Variants in FPR3 observed in about 807,000 individuals in gnomAD.
FPR3 encodes the protein N-formyl peptide receptor 3.
For missense variants in FPR3, 346 were observed against 443.2 expected, an observed-to-expected ratio of 0.78 and a Z score of 1.97; for synonymous variants, 135 against 163.6, an observed-to-expected ratio of 0.83 and a Z score of 1.34.
chr19:51,818,858 G>A (rs1302943498), intron 1 of FPR3, among the ~76,000 whole-genome samples: 1 of 152,154 alleles, frequency 6.6e-6, no homozygotes, highest in Non-Finnish European at 1.5e-5. Flanking sequence ...GAAGAGTGCT[G>A]AGAAGAATAA....
chr19:51,812,638 T>C (rs1393625688), intron 1 of FPR3, among the ~76,000 whole-genome samples: 1 of 152,154 alleles, frequency 6.6e-6, no homozygotes, highest in African/African-American at 2.4e-5. Context: ...AGCTTTGGCA[T>C]CACACACAAG....
At chr19:51,821,119 TAGA>T (rs552253554) in intron 1 of FPR3, among the ~76,000 whole-genome samples, 31 of 152,316 alleles carry the variant, frequency 2.0e-4, no homozygotes, top group Admixed American at 1.1e-3. Flanking sequence ...CAGTCTAGCC[TAGA>T]AGATTTCCAT....
Position 51,802,384 on chromosome 19 carries a change from C to G in FPR3, c.-11+7053C>G, listed in dbSNP as rs189093433. 2.5e-4 allele frequency among the ~76,000 whole-genome samples: 38 copies of G among 152,264 alleles called. No individual in the cohort carries two copies. In the East Asian group the frequency reaches 6.0e-3, roughly 24 times the overall value. ...GGTCAGGGATATTTTTTAGCCCTTT[C>G]TCATCCTACCCTCATGCCAGTCCCA... On this transcript the variant is annotated intron_variant, in intron 1 of 1. Coordinates refer to ENST00000339223, the MANE Select transcript of FPR3 (RefSeq NM_002030.5).
At chr19:51,799,163 G>A (rs1409787819) in intron 1 of FPR3, among the ~76,000 whole-genome samples, 1 of 152,048 alleles carries the variant, frequency 6.6e-6, no homozygotes, top group Non-Finnish European at 1.5e-5. Context: ...ACTGCCAGTT[G>A]CCACCCCCGT....
intron 1 of FPR3, among the ~76,000 whole-genome samples, chr19:51,798,396 A>G (rs1315497145): frequency 6.6e-6 from 1 of 152,188 alleles, no homozygotes; most frequent in African/African-American, 2.4e-5. Context: ...CCAAAATGCC[A>G]TTGGTGTCAA....
rs1206910146 is a variant in FPR3, at chr19:51,825,427, A to G, written c.*617A>G. 2 of 166,762 alleles carry G rather than the reference A, an allele frequency of 1.2e-5. No homozygotes were observed. The highest frequency in any genetic ancestry group is 2.4e-5 in the African/African-American group (1 of 41,402). 10.3% of individuals were successfully genotyped at this position (166,762 alleles called of 1,614,324 possible). On this transcript the variant is annotated 3_prime_UTR_variant, in exon 2 of 2. Transcript: ENST00000339223. ...AGCATTCTTTCCTCCAGTGTATAGG[A>G]TGGGATCCTCTCTGGGGAGGGTCTT...
intron 1 of FPR3, among the ~76,000 whole-genome samples, chr19:51,815,841 G>A (rs1205585670): frequency 8.8e-5 from 13 of 148,178 alleles, no homozygotes; most frequent in Admixed American, 1.4e-4. Flanking sequence ...CAGCCTGGGT[G>A]ATAGAATGAG....
At position 51,824,278 on chromosome 19, in the gene FPR3, T is replaced by C. The variant is rs774185095; in HGVS notation, c.530T>C (p.Ile177Thr). The change falls in exon 2 of 2, where the codon ATT (isoleucine) becomes ACT (threonine). Residue 177 changes from isoleucine to threonine, a missense_variant. By Grantham distance (89) the Ile-to-Thr change is moderately conservative. Coordinates refer to ENST00000339223, the MANE Select transcript of FPR3 (RefSeq NM_002030.5). This position sits in a 1 kb window ranked among gnomAD's most constrained non-coding sequence, Gnocchi z 4.7. ...ACTACGAATGGGGACACATACTGTA[T>C]TTTCAACTTTGCATTCTGGGGTGAC... ...ISTTNGDTYC[I>T]FNFAFWGDTA... The C allele has an allele frequency of 6.2e-7, 1 of 1,614,180 alleles. No individual in the cohort carries two copies. Among genetic ancestry groups the C allele is most frequent in the East Asian group, 2.2e-5 (1 of 44,878 alleles).
chr19:51,815,252 T>G (rs2084126809), intron 1 of FPR3, among the ~76,000 whole-genome samples: 1 of 152,088 alleles, frequency 6.6e-6, no homozygotes, highest in Non-Finnish European at 1.5e-5. Context: ...AAGTGGGGAC[T>G]GGAGATTGAG....
chr19:51,814,227 C>A (rs1031563874), intron 1 of FPR3, among the ~76,000 whole-genome samples: 4 of 152,170 alleles, frequency 2.6e-5, no homozygotes, highest in Admixed American at 1.3e-4. Flanking sequence ...GTTGTTTCAG[C>A]CGGAGGACAA....
At position 51,795,779 on chromosome 19, in the gene FPR3, C is replaced by T. The variant is rs138021224; in HGVS notation, c.-11+448C>T. On this transcript the variant is annotated intron_variant, in intron 1 of 1. Transcript: ENST00000339223. ...CTGCCCACCTCGGCCTCCCAAAGTG[C>T]TGGGATTACAGGCGTGAGCCAATGT... 7.1e-3 allele frequency among the ~76,000 whole-genome samples: 1,079 copies of T among 152,166 alleles called. 10 individuals are homozygous for T. The highest frequency in any genetic ancestry group is 0.025 in the African/African-American group (1,025 of 41,520).
intron 1 of FPR3, among the ~76,000 whole-genome samples, chr19:51,818,456 T>C (rs1299116481): frequency 6.6e-6 from 1 of 152,196 alleles, no homozygotes; most frequent in African/African-American, 2.4e-5. Context: ...GTGCTACTTG[T>C]GGAGTTTGTA....
Position 51,824,231 on chromosome 19 carries a change from C to A in FPR3, c.483C>A (p.Phe161Leu). The A allele has an allele frequency of 6.2e-7, 1 of 1,614,162 alleles. No individual in the cohort carries two copies. The highest frequency in any genetic ancestry group is 8.5e-7 in the Non-Finnish European group (1 of 1,180,008). Reference sequence around the variant, plus strand: ...CCATAGTCCTTACCTTACCAAATTTCATCTTCTGGACTACAATAAGTACTA... The same window carrying A: ...CCATAGTCCTTACCTTACCAAATTTAATCTTCTGGACTACAATAAGTACTA... ...IFTIVLTLPNFIFWTTISTTN... is the reference protein window; with the variant it reads ...IFTIVLTLPNLIFWTTISTTN... Residue 161 changes from phenylalanine to leucine, a missense_variant, in exon 2 of 2, where the codon TTC becomes TTA. By Grantham distance (22) the Phe-to-Leu change is conservative. Coordinates refer to ENST00000339223, the MANE Select transcript of FPR3 (RefSeq NM_002030.5). This position sits in a 1 kb window ranked among gnomAD's most constrained non-coding sequence, Gnocchi z 4.7.
intron 1 of FPR3, among the ~76,000 whole-genome samples, chr19:51,802,953 G>T (rs900038402): frequency 6.6e-6 from 1 of 151,970 alleles, no homozygotes; most frequent in South Asian, 2.1e-4. Flanking sequence ...CTGTCTGAGG[G>T]CAGGAATTGT....
At chr19:51,806,933 A>T (rs1225686647) in intron 1 of FPR3, among the ~76,000 whole-genome samples, 1 of 152,240 alleles carries the variant, frequency 6.6e-6, no homozygotes, top group Non-Finnish European at 1.5e-5. Context: ...GTGTAAGTTG[A>T]TAGGTAGCAA....
chr19:51,822,342 G>A (rs1180048581), intron 1 of FPR3, among the ~76,000 whole-genome samples: 2 of 152,094 alleles, frequency 1.3e-5, no homozygotes, highest in African/African-American at 4.8e-5. Flanking sequence ...AGATATGCCC[G>A]CAAAGATGGA....
intron 1 of FPR3, among the ~76,000 whole-genome samples, 173 bp downstream of exon 1, chr19:51,795,504 C>CCTTTTTTTTTTTTTTTTTTT (rs1568425575): frequency 1.3e-5 from 1 of 74,732 alleles, no homozygotes; most frequent in African/African-American, 6.2e-5. Context: ...CAGTAACATT[C>CCTTTTTTTTTTTTTTTTTTT]TTTTTTTTTT....
chr19:51,820,356 C>T (rs886413780), intron 1 of FPR3, among the ~76,000 whole-genome samples: 6 of 152,120 alleles, frequency 3.9e-5, no homozygotes, highest in African/African-American at 1.4e-4. Context: ...TATACAAGAA[C>T]AATATTTGTC....
At chr19:51,796,937 T>C (rs927079880) in intron 1 of FPR3, among the ~76,000 whole-genome samples, 2 of 152,168 alleles carry the variant, frequency 1.3e-5, no homozygotes, top group African/African-American at 2.4e-5. Flanking sequence ...TGATATCATT[T>C]ATAGAATGTG....
Sources: allele counts gnomAD v4.1 joint callset (sites outside exome capture counted in the v4.1 genomes callset), GRCh38; gene constraint gnomAD v4.1.1; non-coding constraint Gnocchi (gnomAD v3.1); transcripts MANE v1.5; gene names NCBI Gene and HGNC (gene_info 2026-07-23, HGNC 2026-07-21).